The following PRAG1 variants were observed in gnomAD, a reference collection of about 807,000 sequenced individuals.
PRAG1 encodes PEAK1 related, kinase-activating pseudokinase 1.
PRAG1 carries 110 observed loss-of-function variants against 95.6 expected under a neutral mutation model. That is an observed-to-expected ratio of 1.15 (90% confidence interval 0.99 to 1.35). The LOEUF (loss-of-function observed/expected upper bound fraction) is 1.35, where lower values mean the gene tolerates loss of function less well. Among genes scored for constraint, PRAG1 ranks in the 40% most tolerant of loss-of-function variants. The probability of loss-of-function intolerance (pLI) is 0.00; values close to 1 mark genes in which losing one functional copy is unlikely to be tolerated. For synonymous variants in PRAG1, 1,052 were observed against 819.4 expected (o/e 1.28, Z -4.85); for missense variants, 2,554 against 1,864.7 (o/e 1.37, Z -6.81).
At position 8,376,293 on chromosome 8, in the gene PRAG1, T is replaced by G; in HGVS notation, c.2116A>C (p.Ser706Arg). 1 of 1,614,182 alleles carries G rather than the reference T, an allele frequency of 6.2e-7. No homozygotes were observed. Among genetic ancestry groups the G allele is most frequent in the Non-Finnish European group, 8.5e-7 (1 of 1,180,040 alleles). Residue 706 changes from serine to arginine, a missense_variant, in exon 3 of 6, where the codon AGT (serine) becomes CGT (arginine). By Grantham distance (110) the Ser-to-Arg change is moderately radical (BLOSUM62 -1). Transcript: ENST00000615670. ...SFAFEFPKDR[S>R]GIETFSPPPP... is the part of the protein sequence containing the mutation. ...GGAGGTGAGAATGTCTCAATCCCACTTCTGTCCTTGGGGAACTCAAAGGCA... is the reference window on the plus strand; with the variant it reads ...GGAGGTGAGAATGTCTCAATCCCACGTCTGTCCTTGGGGAACTCAAAGGCA...
At chr8:8,345,041 C>A (rs931226262) in intron 3 of PRAG1, among the ~76,000 whole-genome samples, 1 of 119,570 alleles carries the variant, frequency 8.4e-6, no homozygotes, top group African/African-American at 3.2e-5. Flanking sequence ...ATAAATTATC[C>A]GCAGGGTGTG....
chr8:8,318,994 C>G lies in PRAG1; in HGVS notation c.3381G>C (p.Leu1127=). ...GGTGCTCCAGCCCGTTGCAGAGTTG[C>G]AGAAGCAGGAAGCACACGCGCCGCT... The part of the protein sequence containing the change: ...AYERRVCFLL[L]QLCNGLEHLK... Residue 1127 remains leucine, a synonymous_variant, in exon 6 of 6, where the codon CTG becomes CTC. Transcript: ENST00000615670. This position sits in a 1 kb window ranked among gnomAD's most constrained non-coding sequence, Gnocchi z 4.2. 3 of 1,613,476 alleles carry G rather than the reference C, an allele frequency of 1.9e-6. No homozygotes were observed. Among genetic ancestry groups the G allele is most frequent in the Non-Finnish European group, 1.7e-6 (2 of 1,179,808 alleles).
intron 3 of PRAG1, among the ~76,000 whole-genome samples, chr8:8,366,683 TTA>T (rs889225320): frequency 3.0e-5 from 4 of 135,298 alleles, no homozygotes; most frequent in South Asian, 2.7e-4. Flanking sequence ...CACTTTATTT[TTA>T]TCTTTTTTTT....
Position 8,318,454 on chromosome 8 carries a change from T to C in PRAG1, c.3921A>G (p.Leu1307=), listed in dbSNP as rs1485950808. Residue 1307 remains leucine, a synonymous_variant, in exon 6 of 6, where the codon CTA becomes CTG. Coordinates refer to ENST00000615670, the MANE Select transcript of PRAG1 (RefSeq NM_001080826.3). This position sits in a 1 kb window ranked among gnomAD's most constrained non-coding sequence, Gnocchi z 4.2. ...TACGCTTGATGGGGTCGGCCTCCAG[T>C]AGCAGATGTGCCAGCTGCTGCAGGC... ...SPGLQQLAHL[L]LEADPIKRIR... The C allele has an allele frequency of 1.7e-5, 28 of 1,612,290 alleles. No individual in the cohort carries two copies. Among genetic ancestry groups the C allele is most frequent in the Non-Finnish European group, 2.3e-5 (27 of 1,179,792 alleles).
At chr8:8,332,570 C>G (rs986437831) in intron 4 of PRAG1, among the ~76,000 whole-genome samples, 1 of 152,082 alleles carries the variant, frequency 6.6e-6, no homozygotes, top group African/African-American at 2.4e-5. Flanking sequence ...TTAAAGCTCT[C>G]CAGGTGTGGA....
rs188561475 is a variant in PRAG1, at chr8:8,384,358, T to A, written c.-88+1963A>T. 3.3e-3 allele frequency among the ~76,000 whole-genome samples: 505 copies of A among 152,204 alleles called. 4 individuals carry two copies. Among genetic ancestry groups the A allele is most frequent in the African/African-American group, 0.011 (476 of 41,534 alleles). On this transcript the variant is annotated intron_variant, in intron 1 of 5. Coordinates refer to ENST00000615670, the MANE Select transcript of PRAG1 (RefSeq NM_001080826.3). ...GATTGCTAGCGTGGGGGAAGTTTCCTTGAGAATGTCTCATCAGTTTACGAG... is the reference window on the plus strand; with the variant it reads ...GATTGCTAGCGTGGGGGAAGTTTCCATGAGAATGTCTCATCAGTTTACGAG...
At position 8,329,343 on chromosome 8, in the gene PRAG1, A is replaced by G. The variant is rs542574986; in HGVS notation, c.2321-882T>C. On this transcript the variant is annotated intron_variant, in intron 4 of 5. Coordinates refer to ENST00000615670, the MANE Select transcript of PRAG1 (RefSeq NM_001080826.3). Reference sequence around the variant, plus strand: ...GGGAGATGGAGGTTGTAGTGAGCCAAGATTGCGCCACTACACTCAGCCTGG... The same window carrying G: ...GGGAGATGGAGGTTGTAGTGAGCCAGGATTGCGCCACTACACTCAGCCTGG... Among the ~76,000 whole-genome samples the G allele has an allele frequency of 2.6e-5, 4 of 152,178 alleles. No individual in the cohort carries two copies. In the East Asian group the frequency reaches 7.7e-4, roughly 29 times the overall value.
intron 3 of PRAG1, among the ~76,000 whole-genome samples, chr8:8,358,679 G>T (rs1799755968): frequency 6.6e-6 from 1 of 152,190 alleles, no homozygotes; most frequent in Non-Finnish European, 1.5e-5. Flanking sequence ...TTTACTTTCT[G>T]CAGAAAGGGT....
chr8:8,382,886 G>T (rs1800730162), intron 1 of PRAG1, among the ~76,000 whole-genome samples: 1 of 152,156 alleles, frequency 6.6e-6, no homozygotes, highest in African/African-American at 2.4e-5. Context: ...TCTAGAAACA[G>T]AAGCCAACTT....
chr8:8,337,252 G>A (rs1406333547), intron 4 of PRAG1, among the ~76,000 whole-genome samples: 1 of 152,184 alleles, frequency 6.6e-6, no homozygotes, highest in African/African-American at 2.4e-5. Context: ...CTTTGGTACT[G>A]CATGCCAAAC....
rs1465276616 is a variant in PRAG1, at chr8:8,317,772, CTTCTTTT to C, written c.*375_*381del. 1 of 155,170 alleles carries C rather than the reference CTTCTTTT, an allele frequency of 6.4e-6. No homozygotes were observed. The highest frequency in any genetic ancestry group is 2.4e-5 in the African/African-American group (1 of 41,392). 9.6% of individuals were successfully genotyped at this position (155,170 alleles called of 1,614,324 possible). ...CCAAAAAAAATTTTAATGGAATTTTCTTCTTTTTTTTTTTTCTTTAAATAACAATTTG... is the reference window on the plus strand; with the variant it reads ...CCAAAAAAAATTTTAATGGAATTTTCTTTTTTTTCTTTAAATAACAATTTG... On this transcript the variant is annotated 3_prime_UTR_variant, in exon 6 of 6. Coordinates refer to ENST00000615670, the MANE Select transcript of PRAG1 (RefSeq NM_001080826.3).
chr8:8,358,687 G>T (rs1234104421), intron 3 of PRAG1, among the ~76,000 whole-genome samples: 3 of 152,192 alleles, frequency 2.0e-5, no homozygotes, highest in African/African-American at 7.2e-5. Context: ...CTGCAGAAAG[G>T]GTGCTGCCCA....
At chr8:8,365,353 G>A (rs1799964754) in intron 3 of PRAG1, among the ~76,000 whole-genome samples, 1 of 152,130 alleles carries the variant, frequency 6.6e-6, no homozygotes, top group South Asian at 2.1e-4. Flanking sequence ...GCTGGACATG[G>A]TGGCTCACAC....
chr8:8,343,250 A>G (rs774970121), intron 3 of PRAG1, among the ~76,000 whole-genome samples: 7 of 152,238 alleles, frequency 4.6e-5, no homozygotes, highest in African/African-American at 2.4e-5. Flanking sequence ...GATATAGGGA[A>G]ATAGGAACTC....
intron 3 of PRAG1, among the ~76,000 whole-genome samples, chr8:8,355,590 A>G (rs946256717): frequency 6.6e-6 from 1 of 152,220 alleles, no homozygotes; most frequent in Non-Finnish European, 1.5e-5. Context: ...GCATAGAGCA[A>G]TAAAACAGAA....
At chr8:8,381,383 C>T in intron 2 of PRAG1, 35 bp downstream of exon 2, 1 of 1,570,722 alleles carries the variant, frequency 6.4e-7, no homozygotes, top group Admixed American at 1.7e-5. Context: ...AGGAGCAGCC[C>T]CTGTAAAAAT....
intron 3 of PRAG1, among the ~76,000 whole-genome samples, chr8:8,367,365 G>C (rs960352402): frequency 6.9e-6 from 1 of 145,542 alleles, no homozygotes; most frequent in African/African-American, 2.5e-5. Flanking sequence ...GGATGAGGCA[G>C]GGGAATCGCT....
intron 3 of PRAG1, among the ~76,000 whole-genome samples, chr8:8,374,909 G>T (rs561622659): frequency 1.4e-4 from 21 of 152,200 alleles, no homozygotes; most frequent in African/African-American, 5.1e-4. Flanking sequence ...AGGCACATCA[G>T]CTGAAACAGA....
chr8:8,327,741 G>C lies in PRAG1; in HGVS notation c.3041C>G (p.Ser1014Cys), dbSNP rs768387138. ...GDAIYYCATC[S>C]EDPGSTYAVK... The stretch of plus-strand genomic sequence containing the variant: ...AGCATAGGTGCTGCCGGGGTCCTCA[G>C]AGCAGGTGGCACAGTAATAAATGGC... The change falls in exon 5 of 6, where the codon TCT becomes TGT. Residue 1014 changes from serine (S) to cysteine (C), a missense_variant. By Grantham distance (112) the Ser-to-Cys change is moderately radical. Coordinates refer to ENST00000615670, the MANE Select transcript of PRAG1 (RefSeq NM_001080826.3). 5 of 1,613,990 alleles carry C rather than the reference G, an allele frequency of 3.1e-6. No homozygotes were observed. The highest frequency in any genetic ancestry group is 1.3e-5 in the African/African-American group (1 of 74,924).
Sources: allele counts gnomAD v4.1 joint callset (sites outside exome capture counted in the v4.1 genomes callset), GRCh38; gene constraint gnomAD v4.1.1; non-coding constraint Gnocchi (gnomAD v3.1); transcripts MANE v1.5; gene names NCBI Gene and HGNC (gene_info 2026-07-23, HGNC 2026-07-21).